Variants in MAD1L1 observed in about 807,000 individuals in gnomAD.
MAD1L1 encodes the protein mitotic spindle assembly checkpoint protein MAD1.
MAD1L1 carries 95 observed loss-of-function variants against 96.9 expected under a neutral mutation model. The ratio of observed to expected loss-of-function variants is 0.98; its 90% confidence interval spans 0.83 to 1.16. MAD1L1 has a LOEUF of 1.16. MAD1L1 is among the 50% of genes most tolerant of loss of function. The pLI is 0.00. For synonymous variants in MAD1L1, 473 were observed against 396.6 expected (o/e 1.19, Z -2.29); for missense variants, 1,007 against 954.4 (o/e 1.06, Z -0.73).
rs150018909 is a variant in MAD1L1, at chr7:2,079,289, C to T, written c.1074-9951G>A. 3.4e-3 allele frequency among the ~76,000 whole-genome samples: 515 copies of T among 152,282 alleles called. 4 individuals carry two copies. Among genetic ancestry groups the T allele is most frequent in the South Asian group, 0.028 (134 of 4,824 alleles). On this transcript the variant is annotated intron_variant, in intron 11 of 18. Transcript: ENST00000265854. ...CCAGGACATCAGGCTCAGCGTGGCA[C>T]GCAGCTGTTGTTATTTACTCTATCT...
At chr7:1,817,660 A>AGGAAC (rs1270161072) in intron 18 of MAD1L1, among the ~76,000 whole-genome samples, 1 of 152,182 alleles carries the variant, frequency 6.6e-6, no homozygotes, top group African/African-American at 2.4e-5. Context: ...ATGTGCCGGG[A>AGGAAC]GGAACGGAAC....
At chr7:2,213,298 C>T in intron 9 of MAD1L1, 25 bp from the exon 10 acceptor site, 2 of 1,609,090 alleles carry the variant, frequency 1.2e-6, no homozygotes, top group Non-Finnish European at 1.7e-6. Context: ...AAAGCACAGA[C>T]CCTGTCATCA....
intron 17 of MAD1L1, among the ~76,000 whole-genome samples, chr7:1,931,986 G>A (rs1789506328): frequency 6.6e-6 from 1 of 152,226 alleles, no homozygotes; most frequent in South Asian, 2.1e-4. Context: ...GGAAGGAGGA[G>A]GCTGCCAAAG....
At chr7:1,911,298 C>A (rs1788001533) in intron 17 of MAD1L1, among the ~76,000 whole-genome samples, 1 of 152,128 alleles carries the variant, frequency 6.6e-6, no homozygotes, top group African/African-American at 2.4e-5. Flanking sequence ...ATTCTACTTC[C>A]TGTCACCCTC....
chr7:1,879,683 AG>A (rs1785574704), intron 18 of MAD1L1, among the ~76,000 whole-genome samples: 1 of 152,234 alleles, frequency 6.6e-6, no homozygotes, highest in Non-Finnish European at 1.5e-5. Flanking sequence ...TAGCAGCACA[AG>A]GTCACCTGAA....
chr7:2,078,696 C>A (rs974654062), intron 11 of MAD1L1, among the ~76,000 whole-genome samples: 1 of 152,226 alleles, frequency 6.6e-6, no homozygotes, highest in Non-Finnish European at 1.5e-5. Context: ...GTTTAGTCTG[C>A]ACCAGAATCT....
chr7:2,159,425 C>T (rs1789993741), intron 10 of MAD1L1, among the ~76,000 whole-genome samples: 1 of 152,196 alleles, frequency 6.6e-6, no homozygotes, highest in Non-Finnish European at 1.5e-5. Context: ...AATGGAATGT[C>T]ACCTGAGCCC....
At chr7:2,127,114 T>C (rs1351278379) in intron 11 of MAD1L1, among the ~76,000 whole-genome samples, 1 of 152,150 alleles carries the variant, frequency 6.6e-6, no homozygotes, top group Non-Finnish European at 1.5e-5. Context: ...GACCCCACTT[T>C]GGGGACAGTC....
At chr7:2,221,420 C>A (rs1327277840) in intron 5 of MAD1L1, among the ~76,000 whole-genome samples, 1 of 152,166 alleles carries the variant, frequency 6.6e-6, no homozygotes, top group South Asian at 2.1e-4. Context: ...AGCCTGAACA[C>A]GCCTCCCCAG....
intron 17 of MAD1L1, among the ~76,000 whole-genome samples, chr7:1,917,465 G>A (rs920506095): frequency 7.2e-5 from 11 of 152,174 alleles, no homozygotes; most frequent in African/African-American, 1.4e-4. Flanking sequence ...CAGCAGCGCC[G>A]CCCCTCTCCG....
chr7:2,026,918 T>C (rs998454627), intron 12 of MAD1L1, among the ~76,000 whole-genome samples: 38 of 151,976 alleles, frequency 2.5e-4, no homozygotes, highest in African/African-American at 8.9e-4. Flanking sequence ...TGAAATAAAA[T>C]ACATATGGGA....
intron 15 of MAD1L1, among the ~76,000 whole-genome samples, chr7:1,966,352 A>G (rs998274985): frequency 1.3e-4 from 20 of 152,184 alleles, no homozygotes; most frequent in African/African-American, 4.8e-4. Context: ...GTCAGCCTGG[A>G]GAGAGGCAGT....
chr7:1,974,012 C>T (rs936649882), intron 15 of MAD1L1, among the ~76,000 whole-genome samples: 3 of 152,224 alleles, frequency 2.0e-5, no homozygotes, highest in Non-Finnish European at 2.9e-5. Context: ...CTGGCTTCTG[C>T]TTCTGGGAGT....
At chr7:2,147,392 T>A (rs573585495) in intron 11 of MAD1L1, among the ~76,000 whole-genome samples, 1 of 152,312 alleles carries the variant, frequency 6.6e-6, no homozygotes, top group African/African-American at 2.4e-5. Context: ...GCCTGCACCT[T>A]GGCTAAAGAA....
intron 18 of MAD1L1, among the ~76,000 whole-genome samples, chr7:1,850,597 C>T (rs796371170): frequency 3.3e-5 from 5 of 152,310 alleles, no homozygotes; most frequent in African/African-American, 1.2e-4. Context: ...TCGGCAGAGC[C>T]GGCCTGGGCC....
chr7:1,870,284 AACCGACCGTAACACCTGCCACG>A (rs1198059170), intron 18 of MAD1L1, among the ~76,000 whole-genome samples: 75 of 150,060 alleles, frequency 5.0e-4, no homozygotes, highest in African/African-American at 1.8e-3. Flanking sequence ...TGCCACGCTG[AACCGACCGTAACACCTGCCACG>A]CTGAACCTAA....
chr7:2,102,288 G>GTCA (rs369889897), intron 11 of MAD1L1, among the ~76,000 whole-genome samples: 16 of 137,204 alleles, frequency 1.2e-4, no homozygotes, highest in African/African-American at 4.1e-4. Context: ...CACCACCACC[G>GTCA]CCACTGTCAC....
intron 17 of MAD1L1, among the ~76,000 whole-genome samples, chr7:1,935,285 C>T (rs1287411987): frequency 6.6e-6 from 1 of 152,268 alleles, no homozygotes; most frequent in Non-Finnish European, 1.5e-5. Flanking sequence ...GACATGGGGG[C>T]TCAGGCCCTC....
At chr7:1,827,472 TGTGGGGGCCTCCCCTCCTGAGCCCGTC>T (rs1352606659) in intron 18 of MAD1L1, among the ~76,000 whole-genome samples, 21 of 94,468 alleles carry the variant, frequency 2.2e-4, no homozygotes, top group Admixed American at 1.3e-3. Context: ...CCGTCGCGGG[TGTGGGGGCCTCCCCTCCTGAGCCCGTC>T]CCGGGTGTGG....
Sources: allele counts gnomAD v4.1 joint callset (sites outside exome capture counted in the v4.1 genomes callset), GRCh38; gene constraint gnomAD v4.1.1; transcripts MANE v1.5; gene names NCBI Gene and HGNC (gene_info 2026-07-23, HGNC 2026-07-21).